Variants in RCC1 observed in about 807,000 individuals in gnomAD.
The protein encoded by RCC1 is regulator of chromosome condensation.
In RCC1, 11 loss-of-function variants were observed where a neutral mutation model predicts 44.4. The observed-to-expected ratio is 0.25, with a 90% CI of 0.16 to 0.41. The LOEUF (loss-of-function observed/expected upper bound fraction) is 0.41, where lower values mean the gene tolerates loss of function less well. Ranked by LOEUF, RCC1 falls within the 10% of genes least tolerant of loss-of-function variation. The pLI, the probability that RCC1 is intolerant of heterozygous loss-of-function variation, is 1.00. For missense variants in RCC1, 386 were observed against 547.1 expected, an observed-to-expected ratio of 0.71 and a Z score of 2.94; for synonymous variants, 213 against 216.5, an observed-to-expected ratio of 0.98 and a Z score of 0.14.
chr1:28,525,279 G>A (rs1041275902), intron 4 of RCC1, among the ~76,000 whole-genome samples: 7 of 152,116 alleles, frequency 4.6e-5, no homozygotes, highest in Admixed American at 3.3e-4. Context: ...AGGTCGCGGC[G>A]CCAGGCTGTC....
At chr1:28,527,076 G>T in intron 4 of RCC1, 1 of 903,724 alleles carries the variant, frequency 1.1e-6, no homozygotes, top group Non-Finnish European at 1.8e-6. Context: ...CCAGAATTTT[G>T]CTTGACCGGA....
intron 1 of RCC1, 119 bp from the exon 2 acceptor site, chr1:28,508,009 C>T (rs915530314): frequency 1.5e-4 from 50 of 335,956 alleles, no homozygotes; most frequent in African/African-American, 1.0e-3. Context: ...CAGGAGTGAC[C>T]TATACTCAAA....
chr1:28,512,369 T>A (rs944248437), intron 3 of RCC1, among the ~76,000 whole-genome samples: 9 of 152,174 alleles, frequency 5.9e-5, no homozygotes, highest in African/African-American at 2.2e-4. Flanking sequence ...CTGGTTATTT[T>A]CCATTTTATG....
Position 28,538,745 on chromosome 1 carries a change from G to A in RCC1, c.*738G>A, listed in dbSNP as rs985539941. ...ACCACTCTGGGCAGAGCAGAGCAGG[G>A]TATGGGGTGGGGAGAGAGGGTGGAG... On this transcript the variant is annotated 3_prime_UTR_variant, in exon 13 of 13. Transcript: ENST00000683442. 6.6e-6 allele frequency: 1 copy of A among 152,196 alleles called. No homozygotes were observed. The highest frequency in any genetic ancestry group is 2.4e-5 in the African/African-American group (1 of 41,388). 9.4% of individuals were successfully genotyped at this position (152,196 alleles called of 1,614,324 possible).
chr1:28,519,909 A>G (rs1663164280), intron 4 of RCC1, among the ~76,000 whole-genome samples: 1 of 150,458 alleles, frequency 6.6e-6, no homozygotes, highest in Non-Finnish European at 1.5e-5. Flanking sequence ...ATCTTGGTCT[A>G]TCGCCCAGGC....
chr1:28,512,304 C>G (rs770461931), intron 3 of RCC1, among the ~76,000 whole-genome samples: 4 of 152,084 alleles, frequency 2.6e-5, no homozygotes, highest in Non-Finnish European at 5.9e-5. Context: ...GCCTCACTGG[C>G]TCTTGAAGGC....
chr1:28,532,285 G>A lies in RCC1; in HGVS notation c.376G>A (p.Ala126Thr). The A allele has an allele frequency of 6.2e-7, 1 of 1,614,178 alleles. No individual in the cohort carries two copies. Among genetic ancestry groups the A allele is most frequent in the South Asian group, 1.1e-5 (1 of 91,084 alleles). ...ELQEKVVQVS[A>T]GDSHTAALTD... is the part of the protein sequence containing the mutation. Reference sequence around the variant, plus strand: ...GCAAGAGAAGGTGGTACAGGTGTCAGCAGGAGACAGTCACACAGCAGCCCT... The same window carrying A: ...GCAAGAGAAGGTGGTACAGGTGTCAACAGGAGACAGTCACACAGCAGCCCT... The change falls in exon 7 of 13, where the codon GCA becomes ACA. Residue 126 changes from alanine (A) to threonine (T), a missense_variant. Physicochemically the swap from Ala to Thr is moderately conservative, Grantham distance 58. Coordinates refer to ENST00000683442, the MANE Select transcript of RCC1 (RefSeq NM_001381865.2).
chr1:28,522,853 A>G (rs925774802), intron 4 of RCC1, among the ~76,000 whole-genome samples: 4 of 151,140 alleles, frequency 2.6e-5, no homozygotes, highest in Non-Finnish European at 5.9e-5. Context: ...ATATACACAC[A>G]CACATATTTA....
intron 5 of RCC1, chr1:28,530,514 C>G (rs902874999): frequency 1.2e-6 from 2 of 1,600,108 alleles, no homozygotes; most frequent in Non-Finnish European, 1.7e-6. Context: ...CAGTGTCTGT[C>G]TTTTGCAGAC....
At chr1:28,518,555 C>T in intron 4 of RCC1, 1 of 149,080 alleles carries the variant, frequency 6.7e-6, no homozygotes, top group East Asian at 2.0e-4. Context: ...CGCGCGGCCC[C>T]TCCGCCGCCG....
At chr1:28,507,099 C>G (rs1360330330) in intron 1 of RCC1, 2 of 225,112 alleles carry the variant, frequency 8.9e-6, no homozygotes, top group African/African-American at 4.6e-5. Context: ...ATTAACAAGT[C>G]CACGTGTTTC....
At chr1:28,519,945 C>T (rs1172004476) in intron 4 of RCC1, among the ~76,000 whole-genome samples, 6 of 151,528 alleles carry the variant, frequency 4.0e-5, no homozygotes, top group South Asian at 2.1e-4. Flanking sequence ...TGCTCTCAGT[C>T]GCTGCAGCCT....
intron 5 of RCC1, 58 bp downstream of exon 5, chr1:28,529,997 C>T (rs927708904): frequency 1.1e-5 from 15 of 1,327,660 alleles, no homozygotes; most frequent in Admixed American, 5.7e-5. Flanking sequence ...CCTAAGAACC[C>T]GGGACTGGGC....
rs1472175848 is a variant in RCC1, at chr1:28,535,045, T to C, written c.442-5T>C. The C allele has an allele frequency of 1.9e-6, 3 of 1,612,728 alleles. No individual in the cohort carries two copies. The highest frequency in any genetic ancestry group is 2.5e-6 in the Non-Finnish European group (3 of 1,178,938). On this transcript the variant is annotated splice_region_variant and splice_polypyrimidine_tract_variant and intron_variant, in intron 7 of 12. Transcript: ENST00000683442. The stretch of plus-strand genomic sequence containing the variant: ...GCTGATAAGTGCCCTGTCCCTCCCT[T>C]CTAGGACAATAACGGTGTGATTGGA...
intron 5 of RCC1, among the ~76,000 whole-genome samples, chr1:28,531,265 C>CTTTTTTTTTTT (rs1178899130): frequency 7.6e-6 from 1 of 132,110 alleles, no homozygotes; most frequent in Non-Finnish European, 1.6e-5. Context: ...TTTTCTTTTT[C>CTTTTTTTTTTT]TTTTTTTTTT....
At chr1:28,533,872 T>C (rs1570221039) in intron 7 of RCC1, among the ~76,000 whole-genome samples, 1 of 23,808 alleles carries the variant, frequency 4.2e-5, no homozygotes, top group African/African-American at 3.2e-4. Flanking sequence ...TTTTTTTTTT[T>C]TTTTTTTTTT....
chr1:28,525,080 T>C (rs889597397), intron 4 of RCC1, among the ~76,000 whole-genome samples: 8 of 152,008 alleles, frequency 5.3e-5, no homozygotes, highest in Non-Finnish European at 1.2e-4. Context: ...CTTACAACTC[T>C]AAGGGGGTCT....
intron 3 of RCC1, among the ~76,000 whole-genome samples, chr1:28,512,007 CTT>C (rs1662580905): frequency 8.2e-6 from 1 of 122,698 alleles, no homozygotes; most frequent in Admixed American, 9.5e-5. Flanking sequence ...GAGATGGAGT[CTT>C]TGCCTCCCAG....
At position 28,536,393 on chromosome 1, in the gene RCC1, ACGT is replaced by A. The variant is rs1664558621; in HGVS notation, c.937+14_937+16del. On this transcript the variant is annotated intron_variant, in intron 11 of 12. Transcript: ENST00000683442. This position sits in a 1 kb window ranked among gnomAD's most constrained non-coding sequence, Gnocchi z 4.9. ...CATGGATTCGGAAGGTAGGGCCTTT[ACGT>A]CCTTCTCTAGTTTGGGGGTGGAGTG... The A allele has an allele frequency of 1.2e-6, 2 of 1,611,878 alleles. No individual in the cohort carries two copies. Among genetic ancestry groups the A allele is most frequent in the South Asian group, 2.2e-5 (2 of 90,874 alleles).
Sources: gnomAD v4.1 joint callset for allele counts (sites outside exome capture counted in the v4.1 genomes callset) on GRCh38, gnomAD v4.1.1 for gene constraint, Gnocchi (gnomAD v3.1) non-coding constraint, MANE v1.5 for transcripts, NCBI Gene and HGNC (gene_info 2026-07-23, HGNC 2026-07-21) for gene names.